Variants in SLIT3 observed in about 807,000 individuals in gnomAD.
SLIT3 encodes the protein slit guidance ligand 3, also known as slit homolog 3 protein.
Under a neutral mutation model 184.0 loss-of-function variants are expected in SLIT3, and 68 were observed. That is an observed-to-expected ratio of 0.37 (90% CI 0.30 to 0.45). The LOEUF (loss-of-function observed/expected upper bound fraction) is 0.45. SLIT3 is among the 20% of genes least tolerant of loss of function. The pLI is 1.00. For synonymous variants in SLIT3, 831 were observed against 828.6 expected (o/e 1.00, Z -0.05); for missense variants, 1,707 against 2,026.0 (o/e 0.84, Z 3.02).
At chr5:169,044,589 G>A (rs1375408193) in intron 4 of SLIT3, among the ~76,000 whole-genome samples, 7 of 92,436 alleles carry the variant, frequency 7.6e-5, no homozygotes, top group African/African-American at 3.0e-4. Flanking sequence ...GAGGAAGGTG[G>A]GGGGGGGGAT....
intron 4 of SLIT3, 101 bp downstream of exon 4, chr5:169,193,378 C>A: frequency 1.0e-6 from 1 of 954,380 alleles, no homozygotes; most frequent in Non-Finnish European, 1.7e-6. Context: ...CAGGGCCTAA[C>A]TGCCAAGCTC....
chr5:168,995,292 G>C (rs1002763508), intron 4 of SLIT3, among the ~76,000 whole-genome samples: 2 of 152,170 alleles, frequency 1.3e-5, no homozygotes, highest in Non-Finnish European at 2.9e-5. Context: ...CTACAAAGGG[G>C]GTAGTGTGGA....
In SLIT3 at chr5:169,193,694, T is replaced by C. The variant is rs963986411; in HGVS notation, c.342-144A>G. 6 of 721,418 alleles carry C rather than the reference T, an allele frequency of 8.3e-6. No individual in the cohort carries two copies. The African/African-American group carries it at 8.6e-5, about 10-fold the overall frequency. The allele number at this position is 721,418 out of a possible 1,614,324, so 44.7% of individuals were successfully genotyped here. ...CTTTCAGTATGGGCTGCTCAACACA[T>C]GTAAGGTATATTCCCTGTTGGCGGG... On this transcript the variant is annotated intron_variant, in intron 3 of 35. Transcript: ENST00000519560.
At chr5:168,723,145 A>C in intron 21 of SLIT3, 141 bp from the exon 22 acceptor site, 1 of 663,292 alleles carries the variant, frequency 1.5e-6, no homozygotes, top group Non-Finnish European at 2.8e-6. Context: ...TAATTCACTC[A>C]CTCATCTATC....
chr5:168,988,511 A>T (rs1465474920), intron 4 of SLIT3, among the ~76,000 whole-genome samples: 2 of 152,130 alleles, frequency 1.3e-5, no homozygotes, highest in East Asian at 1.9e-4. Context: ...GCTCCCGACC[A>T]CTTGGAGCTG....
chr5:168,710,832 G>A, intron 25 of SLIT3, 63 bp downstream of exon 25: 1 of 1,342,410 alleles, frequency 7.4e-7, no homozygotes, highest in East Asian at 2.9e-5. Flanking sequence ...GCTCTGACAG[G>A]TTGCTGGGAA....
intron 8 of SLIT3, among the ~76,000 whole-genome samples, chr5:168,809,434 G>A (rs766346050): frequency 7.9e-5 from 12 of 152,144 alleles, no homozygotes; most frequent in African/African-American, 1.7e-4. Flanking sequence ...CCAGGCATTC[G>A]CACATGGTGA....
intron 8 of SLIT3, among the ~76,000 whole-genome samples, chr5:168,814,876 A>G (rs1156811201): frequency 6.6e-6 from 1 of 152,180 alleles, no homozygotes; most frequent in Non-Finnish European, 1.5e-5. Flanking sequence ...TCACTGCACC[A>G]GGGCCCCCAG....
At chr5:169,086,853 G>T (rs911425376) in intron 4 of SLIT3, among the ~76,000 whole-genome samples, 5 of 152,220 alleles carry the variant, frequency 3.3e-5, no homozygotes, top group Non-Finnish European at 4.4e-5. Flanking sequence ...ACTTGGCCTT[G>T]ACTGCCTTCT....
At chr5:168,876,675 TGG>T (rs1442784162) in intron 5 of SLIT3, among the ~76,000 whole-genome samples, 7 of 152,248 alleles carry the variant, frequency 4.6e-5, no homozygotes, top group African/African-American at 1.7e-4. Flanking sequence ...CCTGTCTCCC[TGG>T]GCTTCCACAT....
chr5:168,746,358 G>GGT (rs1763809764), intron 20 of SLIT3, among the ~76,000 whole-genome samples: 1 of 146,822 alleles, frequency 6.8e-6, no homozygotes, highest in Non-Finnish European at 1.5e-5. Flanking sequence ...GGTGTGTGGT[G>GGT]GTGTGTGGTG....
chr5:168,696,283 G>A lies in SLIT3; in HGVS notation c.3082+9C>T. The A allele has an allele frequency of 6.2e-7, 1 of 1,614,164 alleles. No individual in the cohort carries two copies. Among genetic ancestry groups the A allele is most frequent in the South Asian group, 1.1e-5 (1 of 91,080 alleles). On this transcript the variant is annotated intron_variant, in intron 28 of 35. Coordinates refer to ENST00000519560, the MANE Select transcript of SLIT3 (RefSeq NM_003062.4). Reference sequence around the variant, plus strand: ...CACCCCACCATACATACAGTCATGAGATCCTTACCTGTGTAGTTAGGCGGA... The same window carrying A: ...CACCCCACCATACATACAGTCATGAAATCCTTACCTGTGTAGTTAGGCGGA...
chr5:168,930,637 C>T (rs1761959709), intron 4 of SLIT3, among the ~76,000 whole-genome samples: 1 of 152,078 alleles, frequency 6.6e-6, no homozygotes, highest in Non-Finnish European at 1.5e-5. Flanking sequence ...AATACAGACC[C>T]TTAGCACAGT....
At chr5:168,763,143 C>T (rs78681940) in intron 14 of SLIT3, among the ~76,000 whole-genome samples, 1,644 of 152,130 alleles carry the variant, frequency 0.011, 13 homozygotes, top group Non-Finnish European at 0.014. Flanking sequence ...GATGCTTTGA[C>T]GGGGGCTATG....
intron 4 of SLIT3, among the ~76,000 whole-genome samples, chr5:168,929,770 T>C (rs1761933588): frequency 6.6e-6 from 1 of 152,210 alleles, no homozygotes; most frequent in African/African-American, 2.4e-5. Context: ...AAATAGTTCA[T>C]ACTGGCTCGT....
At chr5:169,170,121 G>A (rs1762770549) in intron 4 of SLIT3, among the ~76,000 whole-genome samples, 1 of 152,186 alleles carries the variant, frequency 6.6e-6, no homozygotes. Flanking sequence ...GGTAACAAAT[G>A]TGCTATGAAG....
chr5:169,187,098 T>C (rs1448127743), intron 4 of SLIT3, among the ~76,000 whole-genome samples: 3 of 147,826 alleles, frequency 2.0e-5, no homozygotes, highest in African/African-American at 7.5e-5. Flanking sequence ...TACAACTGCT[T>C]ATGCAGCTAT....
chr5:169,244,611 G>T, intron 3 of SLIT3, 94 bp downstream of exon 3: 2 of 1,101,502 alleles, frequency 1.8e-6, no homozygotes, highest in Non-Finnish European at 2.7e-6. Context: ...TTTTAACAAG[G>T]TTATAAGGCC....
intron 18 of SLIT3, among the ~76,000 whole-genome samples, chr5:168,752,250 T>C (rs1398575935): frequency 6.6e-6 from 1 of 152,098 alleles, no homozygotes; most frequent in Non-Finnish European, 1.5e-5. Flanking sequence ...GTCCCACATA[T>C]ATGCTCTGTT....
Sources: allele counts gnomAD v4.1 joint callset (sites outside exome capture counted in the v4.1 genomes callset), GRCh38; gene constraint gnomAD v4.1.1; transcripts MANE v1.5; gene names NCBI Gene and HGNC (gene_info 2026-07-23, HGNC 2026-07-21).